The following PCDHA10 variants were observed in gnomAD, a reference collection of about 807,000 sequenced individuals.
PCDHA10 encodes the protein protocadherin alpha 10.
In PCDHA10, 45 loss-of-function variants were observed where a neutral mutation model predicts 61.2. That is an observed-to-expected ratio of 0.74 (90% CI 0.58 to 0.94). The LOEUF is 0.94. PCDHA10 is among the 40% of genes least tolerant of loss of function. The pLI, the probability that PCDHA10 is intolerant of heterozygous loss-of-function variation, is 0.00. For synonymous variants in PCDHA10, 602 were observed against 548.8 expected (o/e 1.10, Z -1.35); for missense variants, 1,278 against 1,236.2 (o/e 1.03, Z -0.51).
chr5:140,859,090 A>G (rs2045720842), intron 1 of PCDHA10: 1 of 150,172 alleles, frequency 6.7e-6, no homozygotes, highest in African/African-American at 2.4e-5. Context: ...GTCAGTGTGT[A>G]TTATTCACTT....
intron 1 of PCDHA10, chr5:140,928,911 A>G: frequency 6.2e-7 from 1 of 1,614,184 alleles, no homozygotes; most frequent in Non-Finnish European, 8.5e-7. Flanking sequence ...TCTGGGAACC[A>G]GGAGGGCAGC....
At chr5:140,935,473 AT>A (rs2090393235) in intron 1 of PCDHA10, among the ~76,000 whole-genome samples, 1 of 152,212 alleles carries the variant, frequency 6.6e-6, no homozygotes, top group African/African-American at 2.4e-5. Context: ...AGTTTTTGTC[AT>A]TCTTTTCATT....
chr5:140,986,373 G>A (rs376031401), intron 3 of PCDHA10, among the ~76,000 whole-genome samples: 26 of 152,280 alleles, frequency 1.7e-4, no homozygotes, highest in South Asian at 4.1e-4. Context: ...TGCGTTTTGG[G>A]GGGAGGGACA....
At chr5:140,928,400 C>T (rs1441591334) in intron 1 of PCDHA10, 15 of 1,614,038 alleles carry the variant, frequency 9.3e-6, no homozygotes, top group Non-Finnish European at 1.3e-5. Context: ...GTGGAATCAT[C>T]CAGTGGGGCC....
chr5:141,008,800 A>G (rs949324548), intron 3 of PCDHA10, among the ~76,000 whole-genome samples: 8 of 152,222 alleles, frequency 5.3e-5, no homozygotes, highest in Non-Finnish European at 1.2e-4. Flanking sequence ...TTATCTAAAC[A>G]AATAGGCTCA....
At chr5:140,883,593 C>T (rs2059688395) in intron 1 of PCDHA10, 1 of 1,613,954 alleles carries the variant, frequency 6.2e-7, no homozygotes, top group Non-Finnish European at 8.5e-7. Context: ...GCCAGCGTGT[C>T]GGTGGGGGTG....
intron 3 of PCDHA10, among the ~76,000 whole-genome samples, chr5:141,008,048 G>A (rs2098358764): frequency 1.3e-5 from 2 of 151,972 alleles, no homozygotes; most frequent in South Asian, 4.2e-4. Flanking sequence ...TTTGTAACAG[G>A]GGTCCAGTCC....
In PCDHA10 at chr5:140,921,062, C is replaced by T. The variant is rs377176575; in HGVS notation, c.2389-57887C>T. 1.3e-4 allele frequency among the ~76,000 whole-genome samples: 20 copies of T among 151,872 alleles called. No homozygotes were observed. The South Asian group carries it at 4.2e-3, about 32-fold the overall frequency. The stretch of plus-strand genomic sequence containing the variant: ...TGGGGCAATCATAGCTCACTCTAAC[C>T]TTGAACTCTTGGGCTCAAGAGAATC... On this transcript the variant is annotated intron_variant, in intron 1 of 3. Coordinates refer to ENST00000307360, the MANE Select transcript of PCDHA10 (RefSeq NM_018901.4).
At chr5:140,964,629 T>C (rs1315614801) in intron 1 of PCDHA10, among the ~76,000 whole-genome samples, 1 of 152,028 alleles carries the variant, frequency 6.6e-6, no homozygotes, top group Non-Finnish European at 1.5e-5. Context: ...TTATAAGCCA[T>C]TTATTTTCAG....
chr5:140,933,677 T>A (rs1024721491), intron 1 of PCDHA10, among the ~76,000 whole-genome samples: 8 of 151,826 alleles, frequency 5.3e-5, no homozygotes, highest in African/African-American at 1.9e-4. Context: ...CTCTCTCACA[T>A]TTTTTTTCCT....
At chr5:141,002,273 A>G (rs1040927044) in intron 3 of PCDHA10, among the ~76,000 whole-genome samples, 42 of 152,308 alleles carry the variant, frequency 2.8e-4, no homozygotes, top group African/African-American at 8.9e-4. Context: ...AGAGCTGGTA[A>G]CAAAGGGATG....
At chr5:140,909,560 C>A (rs2074577216) in intron 1 of PCDHA10, among the ~76,000 whole-genome samples, 1 of 152,284 alleles carries the variant, frequency 6.6e-6, no homozygotes, top group Middle Eastern at 3.4e-3. Flanking sequence ...ATCTCTGCAA[C>A]CCATCCAGAG....
At chr5:140,923,142 T>TA (rs1262526439) in intron 1 of PCDHA10, among the ~76,000 whole-genome samples, 1 of 152,006 alleles carries the variant, frequency 6.6e-6, no homozygotes, top group African/African-American at 2.4e-5. Context: ...AGGTGGAATA[T>TA]AAAAAAAATT....
chr5:140,886,844 A>AG lies in PCDHA10; in HGVS notation c.2388+28408_2388+28409insG, dbSNP rs1203919867. Among the ~76,000 whole-genome samples, 142 of 150,728 alleles carry AG rather than the reference A, an allele frequency of 9.4e-4. 2 individuals are homozygous for AG. Among genetic ancestry groups the AG allele is most frequent in the African/African-American group, 2.8e-3 (117 of 41,122 alleles). ...TTCGTCTTGAAAAAAAAAAAAAAAAAAAAGAAAGGTCTTCCCAACTCCTAT... is the reference window on the plus strand; with the variant it reads ...TTCGTCTTGAAAAAAAAAAAAAAAAAGAAAGAAAGGTCTTCCCAACTCCTAT... On this transcript the variant is annotated intron_variant, in intron 1 of 3. Coordinates refer to ENST00000307360, the MANE Select transcript of PCDHA10 (RefSeq NM_018901.4).
chr5:141,003,453 A>T (rs2098125483), intron 3 of PCDHA10, among the ~76,000 whole-genome samples: 1 of 152,126 alleles, frequency 6.6e-6, no homozygotes, highest in East Asian at 1.9e-4. Flanking sequence ...ATGAAATTAC[A>T]GGCGTGCACC....
chr5:140,928,068 C>T (rs1554205429), intron 1 of PCDHA10: 2 of 1,614,214 alleles, frequency 1.2e-6, no homozygotes, highest in Non-Finnish European at 1.7e-6. Context: ...CTTCCTTTGA[C>T]AACTACTACA....
At chr5:140,955,343 A>G (rs1031411707) in intron 1 of PCDHA10, among the ~76,000 whole-genome samples, 16 of 152,134 alleles carry the variant, frequency 1.1e-4, no homozygotes, top group African/African-American at 3.9e-4. Context: ...TAATCCCCAC[A>G]TGTTGTGAGA....
chr5:140,896,389 G>C (rs2065520134), intron 1 of PCDHA10, among the ~76,000 whole-genome samples: 1 of 152,124 alleles, frequency 6.6e-6, no homozygotes, highest in East Asian at 1.9e-4. Flanking sequence ...AACCTCACCA[G>C]CATCTGTTAT....
In PCDHA10 at chr5:140,870,728, C is replaced by A. The variant is rs531202250; in HGVS notation, c.2388+12292C>A. On this transcript the variant is annotated intron_variant, in intron 1 of 3. Coordinates refer to ENST00000307360, the MANE Select transcript of PCDHA10 (RefSeq NM_018901.4). ...GTGAGCGCGCGCGATGCGGGCGTGCCGCCTCTGAGCAGCAACGTGACGCTG... is the reference window on the plus strand; with the variant it reads ...GTGAGCGCGCGCGATGCGGGCGTGCAGCCTCTGAGCAGCAACGTGACGCTG... The A allele has an allele frequency of 5.8e-5, 93 of 1,613,338 alleles. No individual in the cohort carries two copies. Among genetic ancestry groups the A allele is most frequent in the East Asian group, 1.1e-4 (5 of 44,876 alleles).
Sources: gnomAD v4.1 joint callset for allele counts (sites outside exome capture counted in the v4.1 genomes callset) on GRCh38, gnomAD v4.1.1 for gene constraint, MANE v1.5 for transcripts, NCBI Gene and HGNC (gene_info 2026-07-23, HGNC 2026-07-21) for gene names.